Variants in SPTBN5 observed in about 807,000 individuals in gnomAD.
The protein encoded by SPTBN5 is spectrin beta chain, non-erythrocytic 5.
A neutral mutation model predicts 477.6 loss-of-function variants in SPTBN5; 513 were observed. That is an observed-to-expected ratio of 1.07 (90% confidence interval 1.00 to 1.16). The LOEUF (loss-of-function observed/expected upper bound fraction) is 1.16, where lower values mean the gene tolerates loss of function less well. Ranked by LOEUF, SPTBN5 falls within the 50% of genes most tolerant of loss-of-function variation. The pLI is 0.00. For missense variants in SPTBN5, 5,062 were observed against 4,731.8 expected, an observed-to-expected ratio of 1.07 and a Z score of -2.05; for synonymous variants, 2,169 against 2,011.7, an observed-to-expected ratio of 1.08 and a Z score of -2.09.
chr15:41,856,545 G>T lies in SPTBN5; in HGVS notation c.8862C>A (p.Gly2954=). The change falls in exon 53 of 68, where the codon GGC becomes GGA. Residue 2954 remains glycine (G), a synonymous_variant. Transcript: ENST00000320955. The stretch of plus-strand genomic sequence containing the variant: ...CAGCCTGCACCAGCTTGTACCCAGT[G>T]CCCAGCACCACCCGGGTCAGAGCCT... ...SHEALTRVVL[G]TGYKLVQAGH... 1 of 1,602,482 alleles carries T rather than the reference G, an allele frequency of 6.2e-7. No homozygotes were observed.
chr15:41,879,859 G>T lies in SPTBN5; in HGVS notation c.2817C>A (p.Phe939Leu). 1 of 1,613,892 alleles carries T rather than the reference G, an allele frequency of 6.2e-7. No homozygotes were observed. Among genetic ancestry groups the T allele is most frequent in the Non-Finnish European group, 8.5e-7 (1 of 1,179,884 alleles). The change falls in exon 15 of 68, where the codon TTC becomes TTA. Residue 939 changes from phenylalanine (F) to leucine (L), a missense_variant. By Grantham distance (22) the Phe-to-Leu change is conservative (BLOSUM62 0). Transcript: ENST00000320955. ...CCTTTCCCACAGCCAGGGCAGTGAG[G>T]AAGTTCTAGGGAAAAGGAGGACCCA... ...LEVMQLKYEN[F>L]LTALAVGKGL...
chr15:41,881,261 C>T (rs1345401871), intron 12 of SPTBN5, 27 bp from the exon 13 acceptor site: 17 of 1,563,392 alleles, frequency 1.1e-5, no homozygotes, highest in East Asian at 4.5e-5. Context: ...AGCGCGTCTA[C>T]AGGCGACCCC....
In SPTBN5 at chr15:41,866,364, C is replaced by A. The variant is rs367785645; in HGVS notation, c.6610G>T (p.Val2204Phe). 4.4e-6 allele frequency: 7 copies of A among 1,604,476 alleles called. No homozygotes were observed. Among genetic ancestry groups the A allele is most frequent in the Non-Finnish European group, 6.0e-6 (7 of 1,175,346 alleles). Residue 2204 changes from valine to phenylalanine, a missense_variant, in exon 37 of 68, where the codon GTC becomes TTC. Transcript: ENST00000320955. Reference sequence around the variant, plus strand: ...GTTACCTTGGCAACAGAGGTCATGACCTCCTCATGGGCCTGGACTTCAGCC... The same window carrying A: ...GTTACCTTGGCAACAGAGGTCATGAACTCCTCATGGGCCTGGACTTCAGCC... Reference protein sequence around the residue: ...FEAEVQAHEEVMTSVAKKGEA... With the variant: ...FEAEVQAHEEFMTSVAKKGEA...
chr15:41,853,590 C>G lies in SPTBN5; in HGVS notation c.9972G>C (p.Gln3324His), dbSNP rs2065844257. ...AQGHAFLGRCQELLAWAQERQ... is the reference protein window; with the variant it reads ...AQGHAFLGRCHELLAWAQERQ... ...TGAGGTAGGACACCTACAGCAGTTC[C>G]TGGCAGCGCCCGAGGAAGGCATGGC... Residue 3324 changes from glutamine to histidine, a missense_variant, in exon 58 of 68, where the codon CAG (glutamine) becomes CAC (histidine). Coordinates refer to ENST00000320955, the MANE Select transcript of SPTBN5 (RefSeq NM_016642.4). 1 of 1,574,090 alleles carries G rather than the reference C, an allele frequency of 6.4e-7. No individual in the cohort carries two copies. Among genetic ancestry groups the G allele is most frequent in the African/African-American group, 1.3e-5 (1 of 74,362 alleles).
rs771946309 is a variant in SPTBN5, at chr15:41,853,659, C to T, written c.9903G>A (p.Ala3301=). ...GCCACTGGCCTCGCTCCTGGGCCTT[C>T]GCCTGCAGGGTGGCCCAGGCCTCCT... ...KVQEAWATLQ[A]KAQERGQWLA... is the part of the protein sequence containing the mutation. Residue 3301 remains alanine, a synonymous_variant, in exon 58 of 68, where the codon GCG becomes GCA. Transcript: ENST00000320955. 1.1e-5 allele frequency: 17 copies of T among 1,599,336 alleles called. No individual in the cohort carries two copies. Among genetic ancestry groups the T allele is most frequent in the Admixed American group, 8.4e-5 (5 of 59,636 alleles).
intron 66 of SPTBN5, chr15:41,850,642 C>T (rs2065721374): frequency 1.7e-6 from 1 of 575,234 alleles, no homozygotes. Flanking sequence ...TCAAAACTGG[C>T]CCCATCTCTG....
chr15:41,877,461 A>C, intron 17 of SPTBN5, 105 bp from the exon 18 acceptor site: 1 of 1,443,214 alleles, frequency 6.9e-7, no homozygotes, highest in Non-Finnish European at 9.3e-7. Context: ...TGAATGAGAC[A>C]CTGAATGTGA....
Position 41,882,654 on chromosome 15 carries a change from T to A in SPTBN5, c.1977A>T (p.Gly659=). ...CCAGGGCCGCATTCCCCACCCGCTGTCCGCACTCCTTCAGCCAGGCTTCCT... is the reference window on the plus strand; with the variant it reads ...CCAGGGCCGCATTCCCCACCCGCTGACCGCACTCCTTCAGCCAGGCTTCCT... ...EEEEAWLKEC[G]QRVGNAALGR... is the part of the protein sequence containing the mutation. Residue 659 remains glycine (G), a synonymous_variant, in exon 10 of 68, where the codon GGA becomes GGT. Coordinates refer to ENST00000320955, the MANE Select transcript of SPTBN5 (RefSeq NM_016642.4). The A allele has an allele frequency of 6.2e-7, 1 of 1,608,004 alleles. No individual in the cohort carries two copies. Among genetic ancestry groups the A allele is most frequent in the Non-Finnish European group, 8.5e-7 (1 of 1,177,854 alleles).
rs773611809 is a variant in SPTBN5, at chr15:41,874,053, A to G, written c.4690-8T>C. On this transcript the variant is annotated splice_region_variant and splice_polypyrimidine_tract_variant and intron_variant, in intron 24 of 67. Transcript: ENST00000320955. The stretch of plus-strand genomic sequence containing the variant: ...TACCTCCACCTGGAGCTCCTGCCAC[A>G]GAGTGGCTTGAGAGGCTGCTGCTCT... 1.9e-6 allele frequency: 3 copies of G among 1,583,998 alleles called. No individual in the cohort carries two copies. The highest frequency in any genetic ancestry group is 4.5e-5 in the East Asian group (2 of 44,018).
In SPTBN5 at chr15:41,876,895, C is replaced by T; in HGVS notation, c.3765G>A (p.Arg1255=). ...CCCGAGGCCCCAGGGTGCTCAGGAG[C>T]CGCCCAAACTCCCGGTGCTGCTGCA... ...SLLQQHREFG[R]LLSTLGPRAE... The change falls in exon 19 of 68, where the codon CGG becomes CGA. Residue 1255 remains arginine (R), a synonymous_variant. Coordinates refer to ENST00000320955, the MANE Select transcript of SPTBN5 (RefSeq NM_016642.4). 1 of 1,610,350 alleles carries T rather than the reference C, an allele frequency of 6.2e-7. No homozygotes were observed.
rs1388553407 is a variant in SPTBN5 at position 41,862,796 on chromosome 15, C to T, written c.7257G>A (p.Gln2419=). The change falls in exon 42 of 68, where the codon CAG becomes CAA. Residue 2419 remains glutamine (Q), a synonymous_variant. Transcript: ENST00000320955. ...TCTACAGCCAGCTACGCACCTCCAC[C>T]TGGGCCTGGATGGGGTGCACTTCCC... ...LEREVHPIQA[Q]VESLEREVGR... is the part of the protein sequence containing the mutation. The T allele has an allele frequency of 3.8e-6, 6 of 1,570,878 alleles. No individual in the cohort carries two copies. The highest frequency in any genetic ancestry group is 5.2e-6 in the Non-Finnish European group (6 of 1,159,518).
In SPTBN5 at chr15:41,886,312, C is replaced by T. The variant is rs1171225831; in HGVS notation, c.943G>A (p.Val315Met). ...GCAATCCAGCGTAGAAGGTCAGCCA[C>T]CAGCTGCTCGTACTGGGTCTGCAGC... is the stretch of plus-strand genomic sequence containing the variant. The part of the protein sequence containing the change: ...ELLQTQYEQL[V>M]ADLLRWIAEK... The change falls in exon 7 of 68, where the codon GTG becomes ATG. Residue 315 changes from valine to methionine, a missense_variant. Coordinates refer to ENST00000320955, the MANE Select transcript of SPTBN5 (RefSeq NM_016642.4). The T allele has an allele frequency of 6.2e-7, 1 of 1,612,838 alleles. No individual in the cohort carries two copies. The highest frequency in any genetic ancestry group is 2.2e-5 in the East Asian group (1 of 44,888).
In SPTBN5 at chr15:41,871,483, A is replaced by G; in HGVS notation, c.5339T>C (p.Val1780Ala). 6.5e-7 allele frequency: 1 copy of G among 1,529,744 alleles called. No individual in the cohort carries two copies. Among genetic ancestry groups the G allele is most frequent in the South Asian group, 1.2e-5 (1 of 80,532 alleles). The allele number at this position is 1,529,744 out of a possible 1,614,324, so 94.8% of individuals were successfully genotyped here. The change falls in exon 29 of 68, where the codon GTG (valine) becomes GCG (alanine). Residue 1780 changes from valine (V) to alanine (A), a missense_variant. Transcript: ENST00000320955. ...CTKFAKFQHQ[V>A]EMGSQRVAAC... ...GGCCACCCGCTGGCTGCCCATCTCC[A>G]CTTGGTGCTGAAACTTTGCAAACTT...
Position 41,861,439 on chromosome 15 carries a change from G to A in SPTBN5, c.7795C>T (p.Leu2599=), listed in dbSNP as rs780284715. Residue 2599 remains leucine (L), a synonymous_variant, in exon 46 of 68, where the codon CTA becomes TTA. Coordinates refer to ENST00000320955, the MANE Select transcript of SPTBN5 (RefSeq NM_016642.4). ...CCTACCCATAGACCCTCACTGGCTA[G>A]GGAGTCTTCCTTGCTGCAAAGCCAA... ...ERWLCSKEDS[L]ASEGLWDPLA... 3.7e-6 allele frequency: 6 copies of A among 1,613,520 alleles called. No individual in the cohort carries two copies. The Admixed American group carries it at 1.0e-4, about 27-fold the overall frequency.
Position 41,881,129 on chromosome 15 carries a change from G to C in SPTBN5, c.2563C>G (p.Pro855Ala). Residue 855 changes from proline (P) to alanine (A), a missense_variant, in exon 13 of 68, where the codon CCA becomes GCA. Pro to Ala is a conservative substitution (Grantham distance 27). Coordinates refer to ENST00000320955, the MANE Select transcript of SPTBN5 (RefSeq NM_016642.4). ...GPGDAWKMAL[P>A]AEPDPDFDPN... ...TCAAAGTCAGGGTCAGGCTCAGCTG[G>C]GAGGGCCATCTTCCAGGCATCCCCA... 6.2e-7 allele frequency: 1 copy of C among 1,613,690 alleles called. No homozygotes were observed. Among genetic ancestry groups the C allele is most frequent in the Middle Eastern group, 1.7e-4 (1 of 6,016 alleles).
At position 41,863,752 on chromosome 15, in the gene SPTBN5, G is replaced by A. The variant is rs371379090; in HGVS notation, c.7101C>T (p.His2367=). ...CATTGTCCAGCTCTCGGGACAACAC[G>A]TGTATCTCCAAGGCCCCTTCGAGCT... ...QQQLEGALEI[H]VLSRELDNVT... is the part of the protein sequence containing the mutation. The change falls in exon 41 of 68, where the codon CAC becomes CAT. Residue 2367 remains histidine (H), a synonymous_variant. Coordinates refer to ENST00000320955, the MANE Select transcript of SPTBN5 (RefSeq NM_016642.4). The A allele has an allele frequency of 2.8e-5, 45 of 1,613,572 alleles. No individual in the cohort carries two copies. The highest frequency in any genetic ancestry group is 8.9e-5 in the East Asian group (4 of 44,896).
intron 7 of SPTBN5, among the ~76,000 whole-genome samples, 188 bp from the exon 8 acceptor site, chr15:41,883,674 C>T (rs1283097550): frequency 2.6e-5 from 4 of 152,210 alleles, no homozygotes; most frequent in African/African-American, 4.8e-5. Context: ...CCTTTGGACA[C>T]ATGCAGAGAA....
intron 65 of SPTBN5, 22 bp downstream of exon 65, chr15:41,851,037 G>A (rs751425133): frequency 3.7e-6 from 6 of 1,606,652 alleles, no homozygotes; most frequent in Admixed American, 1.7e-5. Context: ...GGTGATGCCG[G>A]AGTCCATGTC....
At position 41,858,956 on chromosome 15, in the gene SPTBN5, GGCTT is replaced by G; in HGVS notation, c.8009_8012del (p.Gln2670ProfsTer28). The G allele has an allele frequency of 6.3e-7, 1 of 1,581,704 alleles. No individual in the cohort carries two copies. Among genetic ancestry groups the G allele is most frequent in the Non-Finnish European group, 8.6e-7 (1 of 1,162,814 alleles). On this transcript the variant is annotated frameshift_variant, in exon 48 of 68. Coordinates refer to ENST00000320955, the MANE Select transcript of SPTBN5 (RefSeq NM_016642.4). LOFTEE classifies it high-confidence loss of function. ...CCTCCAGGCGATGGCGGCGGGTCCC[GGCTT>G]GCCTGAAGAGCGCCTCCTTCCTGCC...
Sources: gnomAD v4.1 joint callset for allele counts (sites outside exome capture counted in the v4.1 genomes callset) on GRCh38, gnomAD v4.1.1 for gene constraint, MANE v1.5 for transcripts, NCBI Gene and HGNC (gene_info 2026-07-23, HGNC 2026-07-21) for gene names.